The following STK32A variants were observed in gnomAD, a reference collection of about 807,000 sequenced individuals.
STK32A encodes serine/threonine-protein kinase 32A.
A neutral mutation model predicts 53.2 loss-of-function variants in STK32A; 41 were observed. The observed-to-expected ratio is 0.77, with a 90% CI of 0.60 to 1.00. The LOEUF is 1.00. Ranked by LOEUF, STK32A falls within the 50% of genes least tolerant of loss-of-function variation. The pLI, the probability that STK32A is intolerant of heterozygous loss-of-function variation, is 0.00. For missense variants in STK32A, 458 were observed against 485.8 expected, an observed-to-expected ratio of 0.94 and a Z score of 0.54; for synonymous variants, 166 against 162.8, an observed-to-expected ratio of 1.02 and a Z score of -0.15.
chr5:147,399,222 C>T, the STK32A span: 1 of 1,614,094 alleles, frequency 6.2e-7, no homozygotes, highest in Non-Finnish European at 8.5e-7. Context: ...GTCACAGCCA[C>T]GAACTGGTTT....
At chr5:147,379,461 C>T (rs1757368905) in intron 11 of STK32A, among the ~76,000 whole-genome samples, 2 of 151,976 alleles carry the variant, frequency 1.3e-5, no homozygotes, top group South Asian at 4.1e-4. Context: ...AGTTCATAGG[C>T]TTGTTCTGAG....
chr5:147,394,910 C>T, the STK32A span, among the ~76,000 whole-genome samples: 1 of 152,150 alleles, frequency 6.6e-6, no homozygotes, highest in African/African-American at 2.4e-5. Context: ...ACTTCCTTCA[C>T]ATTTAAATTA....
At chr5:147,291,076 G>A (rs1752578831) in intron 4 of STK32A, among the ~76,000 whole-genome samples, 1 of 152,030 alleles carries the variant, frequency 6.6e-6, no homozygotes, top group South Asian at 2.1e-4. Flanking sequence ...CTTGAGCATG[G>A]GTTTGAGGCT....
At chr5:147,365,951 A>C (rs1756724168) in intron 8 of STK32A, among the ~76,000 whole-genome samples, 3 of 152,066 alleles carry the variant, frequency 2.0e-5, no homozygotes, top group Non-Finnish European at 4.4e-5. Flanking sequence ...TTGATATGTC[A>C]ACTTTGACAA....
At chr5:147,343,305 C>CAAG in intron 6 of STK32A, 1 of 640,272 alleles carries the variant, frequency 1.6e-6, no homozygotes, top group Non-Finnish European at 2.9e-6. Flanking sequence ...TATATTTCTT[C>CAAG]AAGAAAACCA....
chr5:147,287,632 G>A (rs1752407160), intron 4 of STK32A, among the ~76,000 whole-genome samples: 1 of 152,126 alleles, frequency 6.6e-6, no homozygotes, highest in Non-Finnish European at 1.5e-5. Flanking sequence ...TCTAATTTCA[G>A]CTTAAGCTCA....
intron 4 of STK32A, among the ~76,000 whole-genome samples, chr5:147,320,178 G>A (rs573594596): frequency 7.4e-4 from 112 of 152,246 alleles, no homozygotes; most frequent in Non-Finnish European, 1.4e-3. Flanking sequence ...CTCACAATTT[G>A]AAAAACACTG....
chr5:147,253,435 A>G (rs1440513689), intron 2 of STK32A, among the ~76,000 whole-genome samples: 1 of 152,216 alleles, frequency 6.6e-6, no homozygotes, highest in African/African-American at 2.4e-5. Flanking sequence ...AAAAACAAAT[A>G]TAGTCAGTTG....
chr5:147,383,313 G>T lies in STK32A; in HGVS notation c.1033-128G>T. The T allele has an allele frequency of 3.9e-6, 3 of 762,876 alleles. No individual in the cohort carries two copies. The South Asian group carries it at 5.1e-5, about 13-fold the overall frequency. 47.3% of individuals were successfully genotyped at this position (762,876 alleles called of 1,614,324 possible). A position where few individuals can be genotyped will look rare whatever the true frequency, so the allele number is the denominator to read the frequency against. ...ATCTTCTTCACATAGCATCCATTTT[G>T]AAGATACTACTTACTTCTCAATTTG... On this transcript the variant is annotated intron_variant, in intron 11 of 12. Transcript: ENST00000397936.
the STK32A span, among the ~76,000 whole-genome samples, chr5:147,396,882 TATAG>T: frequency 7.3e-6 from 1 of 137,224 alleles, no homozygotes; most frequent in South Asian, 2.4e-4. Context: ...TATATATATA[TATAG>T]TGTGTGTATA....
the STK32A span, chr5:147,395,705 G>A: frequency 6.2e-7 from 1 of 1,613,804 alleles, no homozygotes. Context: ...CCTTGGGACG[G>A]CATGCAGGTC....
chr5:147,381,642 G>GAAA (rs112622783), intron 11 of STK32A, among the ~76,000 whole-genome samples: 6 of 139,946 alleles, frequency 4.3e-5, no homozygotes, highest in African/African-American at 1.3e-4. Context: ...AAGTCTGTCA[G>GAAA]AAAAAAAAAA....
At position 147,387,636 on chromosome 5, in the gene STK32A, T is replaced by C. The variant is rs1483545406; in HGVS notation, c.*3653T>C. On this transcript the variant is annotated 3_prime_UTR_variant, in exon 13 of 13. Coordinates refer to ENST00000397936, the MANE Select transcript of STK32A (RefSeq NM_001112724.2). ...CCTGTATTGTCTACATAAAATCCTG[T>C]TTCCTGCTATCTGTCTGTGATTCCT... is the stretch of plus-strand genomic sequence containing the variant. 6.6e-6 allele frequency: 1 copy of C among 152,220 alleles called. No individual in the cohort carries two copies. Among genetic ancestry groups the C allele is most frequent in the Non-Finnish European group, 1.5e-5 (1 of 68,038 alleles). 9.4% of individuals were successfully genotyped at this position (152,220 alleles called of 1,614,324 possible). A position where few individuals can be genotyped will look rare whatever the true frequency, so the allele number is the denominator to read the frequency against.
chr5:147,270,852 A>G (rs1310010385), intron 2 of STK32A, among the ~76,000 whole-genome samples: 1 of 152,226 alleles, frequency 6.6e-6, no homozygotes, highest in Admixed American at 6.5e-5. Context: ...ATTTGATGCA[A>G]CATCTTTGAA....
chr5:147,269,543 T>C (rs927794794), intron 2 of STK32A, among the ~76,000 whole-genome samples: 5 of 152,208 alleles, frequency 3.3e-5, no homozygotes, highest in Non-Finnish European at 7.3e-5. Context: ...TAGCGAATCA[T>C]AGCACTGAGG....
At chr5:147,399,376 C>T in the STK32A span, 42 of 1,159,686 alleles carry the variant, frequency 3.6e-5, 2 homozygotes, top group Middle Eastern at 3.0e-4. Context: ...ACCTGAAAAG[C>T]TGGTGAGCTA....
intron 4 of STK32A, among the ~76,000 whole-genome samples, chr5:147,309,275 G>C (rs183996260): frequency 2.0e-5 from 3 of 152,182 alleles, no homozygotes; most frequent in Admixed American, 6.5e-5. Context: ...AGATGAAATA[G>C]TTCTTATGCC....
intron 11 of STK32A, among the ~76,000 whole-genome samples, chr5:147,381,542 C>T (rs139257439): frequency 0.027 from 4,089 of 151,502 alleles, 185 homozygotes; most frequent in East Asian, 0.2. Context: ...ACTTGGGTGG[C>T]TAAGGCAAGA....
At chr5:147,353,435 C>T (rs994921035) in intron 7 of STK32A, among the ~76,000 whole-genome samples, 3 of 152,128 alleles carry the variant, frequency 2.0e-5, no homozygotes, top group Admixed American at 6.5e-5. Context: ...TTAGACACTG[C>T]ACAGTTGCTG....
Sources: gnomAD v4.1 joint callset for allele counts (sites outside exome capture counted in the v4.1 genomes callset) on GRCh38, gnomAD v4.1.1 for gene constraint, MANE v1.5 for transcripts, NCBI Gene and HGNC (gene_info 2026-07-23, HGNC 2026-07-21) for gene names.